TCERG1: variants seen among roughly 807,000 people sequenced by gnomAD.
TCERG1 encodes the protein TATA box binding protein (TBP)-associated factor, RNA polymerase II, S, 150kD.
A neutral mutation model predicts 144.7 loss-of-function variants in TCERG1; 37 were observed. That is an observed-to-expected ratio of 0.26 (90% confidence interval 0.20 to 0.34). The LOEUF is 0.34. Among genes scored for constraint, TCERG1 ranks in the 10% least tolerant of loss-of-function variants. The pLI is 1.00. For synonymous variants in TCERG1, 492 were observed against 458.2 expected (o/e 1.07, Z -0.94); for missense variants, 1,027 against 1,380.7 (o/e 0.74, Z 4.06).
Position 146,511,587 on chromosome 5 carries a change from TC to T in TCERG1, c.*948del, listed in dbSNP as rs1361360681. 6.6e-6 allele frequency: 1 copy of T among 152,586 alleles called. No homozygotes were observed. Among genetic ancestry groups the T allele is most frequent in the African/African-American group, 2.4e-5 (1 of 41,430 alleles). 9.5% of individuals were successfully genotyped at this position (152,586 alleles called of 1,614,324 possible). On this transcript the variant is annotated 3_prime_UTR_variant, in exon 23 of 23. Transcript: ENST00000679501. Reference sequence around the variant, plus strand: ...GTTTTTAAAAGCAGCAAATAGAATTTCCCACAAAGTAAGTTGACTCTAAATC... The same window carrying T: ...GTTTTTAAAAGCAGCAAATAGAATTTCCACAAAGTAAGTTGACTCTAAATC...
intron 19 of TCERG1, 90 bp from the exon 20 acceptor site, chr5:146,506,938 A>G (rs1357011989): frequency 5.5e-6 from 6 of 1,096,554 alleles, no homozygotes; most frequent in East Asian, 2.6e-5. Flanking sequence ...TATCTTGGCT[A>G]TTGTGAATAA....
rs374592510 is a variant in TCERG1 at position 146,455,241 on chromosome 5, C to T, written c.245C>T (p.Pro82Leu). 3 of 1,614,092 alleles carry T rather than the reference C, an allele frequency of 1.9e-6. No individual in the cohort carries two copies. The highest frequency in any genetic ancestry group is 2.5e-6 in the Non-Finnish European group (3 of 1,180,054). The change falls in exon 2 of 23, where the codon CCA becomes CTA. Residue 82 changes from proline (P) to leucine (L), a missense_variant. Coordinates refer to ENST00000679501, the MANE Select transcript of TCERG1 (RefSeq NM_001382548.1). ...FDPNMPPMPP[P>L]GGIPPPMGPP... ...CCTAATATGCCGCCAATGCCTCCTC[C>T]AGGAGGGATACCTCCACCTATGGGC...
intron 15 of TCERG1, among the ~76,000 whole-genome samples, chr5:146,484,164 A>G (rs1199655984): frequency 1.3e-5 from 2 of 152,162 alleles, no homozygotes; most frequent in South Asian, 2.1e-4. Context: ...ACAACTGCAT[A>G]TACAAAGTTC....
chr5:146,498,320 C>G (rs886212293), intron 16 of TCERG1, among the ~76,000 whole-genome samples: 3 of 151,440 alleles, frequency 2.0e-5, no homozygotes, highest in South Asian at 2.1e-4. Context: ...ATTTATTCTC[C>G]TAATTCTATG....
intron 2 of TCERG1, among the ~76,000 whole-genome samples, chr5:146,456,749 T>C (rs1762863344): frequency 6.6e-6 from 1 of 152,258 alleles, no homozygotes; most frequent in Non-Finnish European, 1.5e-5. Flanking sequence ...AAAATGTTTT[T>C]ATAATGTCAT....
chr5:146,502,982 G>A (rs1278439669), intron 17 of TCERG1: 1 of 152,168 alleles, frequency 6.6e-6, no homozygotes, highest in South Asian at 2.1e-4. Context: ...AGAATTGTCA[G>A]CTTCATAAGC....
intron 16 of TCERG1, among the ~76,000 whole-genome samples, chr5:146,497,162 A>C (rs998956386): frequency 6.6e-6 from 1 of 151,096 alleles, no homozygotes; most frequent in Non-Finnish European, 1.5e-5. Flanking sequence ...ATGAGCCACC[A>C]CACTATGTTT....
At chr5:146,457,795 C>T (rs1361662012) in intron 3 of TCERG1, among the ~76,000 whole-genome samples, 2 of 152,166 alleles carry the variant, frequency 1.3e-5, no homozygotes, top group African/African-American at 4.8e-5. Context: ...ATGGGTTTTC[C>T]TTTGTGCTCA....
At chr5:146,487,639 G>A (rs761601367) in intron 15 of TCERG1, among the ~76,000 whole-genome samples, 30 of 151,736 alleles carry the variant, frequency 2.0e-4, no homozygotes, top group Admixed American at 4.6e-4. Flanking sequence ...GGAGACTAAG[G>A]TGTGGGGATC....
At chr5:146,454,569 G>A (rs183255371) in intron 1 of TCERG1, among the ~76,000 whole-genome samples, 1 of 146,962 alleles carries the variant, frequency 6.8e-6, no homozygotes, top group Non-Finnish European at 1.5e-5. Flanking sequence ...ATTGATGTAA[G>A]TTTTTTTTTT....
Position 146,507,357 on chromosome 5 carries a change from T to A in TCERG1, c.2961+150T>A, listed in dbSNP as rs966016686. The A allele has an allele frequency of 1.4e-6, 1 of 713,338 alleles. No homozygotes were observed. Among genetic ancestry groups the A allele is most frequent in the Admixed American group, 3.6e-5 (1 of 27,878 alleles). The allele number at this position is 713,338 out of a possible 1,614,324, so 44.2% of individuals were successfully genotyped here. A position where few individuals can be genotyped will look rare whatever the true frequency, so the allele number is the denominator to read the frequency against. ...ACAATTCTCTGATTTTAAAAAATTA[T>A]GGTATTCTTATTTATTTAGAAATGC... On this transcript the variant is annotated intron_variant, in intron 20 of 22. Coordinates refer to ENST00000679501, the MANE Select transcript of TCERG1 (RefSeq NM_001382548.1). This position sits in a 1 kb window ranked among gnomAD's most constrained non-coding sequence, Gnocchi z 4.6.
chr5:146,472,536 C>CA (rs1764412242), intron 9 of TCERG1, among the ~76,000 whole-genome samples: 1 of 151,896 alleles, frequency 6.6e-6, no homozygotes, highest in Non-Finnish European at 1.5e-5. Flanking sequence ...AATTGATAAA[C>CA]GTGTGTGATC....
Position 146,458,873 on chromosome 5 carries a change from T to C in TCERG1, c.439-11T>C. On this transcript the variant is annotated splice_polypyrimidine_tract_variant and intron_variant, in intron 3 of 22. Coordinates refer to ENST00000679501, the MANE Select transcript of TCERG1 (RefSeq NM_001382548.1). The stretch of plus-strand genomic sequence containing the variant: ...ATTTTATGATACCATTGATTTTTGC[T>C]TCCGCTGCAGGTTTATTATTATAAT... 3 of 1,583,150 alleles carry C rather than the reference T, an allele frequency of 1.9e-6. No individual in the cohort carries two copies. The highest frequency in any genetic ancestry group is 1.1e-5 in the South Asian group (1 of 87,058).
chr5:146,510,409 A>C, intron 22 of TCERG1, 32 bp from the exon 23 acceptor site: 1 of 1,514,360 alleles, frequency 6.6e-7, no homozygotes, highest in Non-Finnish European at 9.2e-7. Context: ...AACAGCAGTC[A>C]GTAATTCTTG....
rs746498610 is a variant in TCERG1, at chr5:146,459,246, A to T, written c.801A>T (p.Ala267=). Residue 267 remains alanine, a synonymous_variant, in exon 4 of 23, where the codon GCA becomes GCT. Coordinates refer to ENST00000679501, the MANE Select transcript of TCERG1 (RefSeq NM_001382548.1). ...CCACCCCTACGACCAGTAGCCCAGC[A>T]CCTGCAGTATCCACTTCAACATCAT... ...GASTPTTSSP[A]PAVSTSTSSS... 3 of 1,614,126 alleles carry T rather than the reference A, an allele frequency of 1.9e-6. No individual in the cohort carries two copies. The African/African-American group carries it at 4.0e-5, about 22-fold the overall frequency.
At chr5:146,458,370 G>C (rs1286161612) in intron 3 of TCERG1, among the ~76,000 whole-genome samples, 1 of 151,828 alleles carries the variant, frequency 6.6e-6, no homozygotes. Context: ...TAGAGACAGG[G>C]TTTTACCATG....
chr5:146,471,903 A>G (rs1764350760), intron 9 of TCERG1, among the ~76,000 whole-genome samples: 1 of 152,052 alleles, frequency 6.6e-6, no homozygotes, highest in African/African-American at 2.4e-5. Flanking sequence ...GGCCTCAAGT[A>G]GTAATTTTTA....
At chr5:146,504,347 T>G (rs1767751473) in intron 19 of TCERG1, 1 of 171,156 alleles carries the variant, frequency 5.8e-6, no homozygotes, top group South Asian at 2.0e-4. Flanking sequence ...AATTTAACCT[T>G]TTCGTTGATG....
chr5:146,459,396 A>T (rs1352168394), intron 4 of TCERG1, 59 bp downstream of exon 4: 10 of 1,559,854 alleles, frequency 6.4e-6, no homozygotes, highest in Non-Finnish European at 6.1e-6. Flanking sequence ...CAAGTAGGGG[A>T]CTACATTTCA....
Sources: allele counts gnomAD v4.1 joint callset (sites outside exome capture counted in the v4.1 genomes callset), GRCh38; gene constraint gnomAD v4.1.1; non-coding constraint Gnocchi (gnomAD v3.1); transcripts MANE v1.5; gene names NCBI Gene and HGNC (gene_info 2026-07-23, HGNC 2026-07-21).